Variants in RIPOR2 observed in about 807,000 individuals in gnomAD.
RIPOR2 encodes RHO family interacting cell polarization regulator 2.
RIPOR2 carries 39 observed loss-of-function variants against 114.5 expected under a neutral mutation model. The observed-to-expected ratio is 0.34, with a 90% confidence interval of 0.26 to 0.44. The LOEUF (loss-of-function observed/expected upper bound fraction) is 0.44. Ranked by LOEUF, RIPOR2 falls within the 20% of genes least tolerant of loss-of-function variation. RIPOR2 has a pLI of 1.00. For synonymous variants in RIPOR2, 445 were observed against 484.4 expected, an observed-to-expected ratio of 0.92 and a Z score of 1.07; for missense variants, 1,007 against 1,255.1, an observed-to-expected ratio of 0.80 and a Z score of 2.99.
chr6:25,014,979 AC>A (rs1433613626), intron 1 of RIPOR2: 1 of 149,766 alleles, frequency 6.7e-6, no homozygotes, highest in Non-Finnish European at 1.5e-5. Context: ...AGTCACAGTG[AC>A]CTTTTATTAA....
At chr6:25,041,710 G>T (rs1243767804) in intron 1 of RIPOR2, 1 of 592,774 alleles carries the variant, frequency 1.7e-6, no homozygotes, top group Non-Finnish European at 3.0e-6. Flanking sequence ...AAGTCCATTG[G>T]AAAACGGAGC....
At chr6:25,029,773 G>T (rs1776830673) in intron 1 of RIPOR2, among the ~76,000 whole-genome samples, 1 of 152,150 alleles carries the variant, frequency 6.6e-6, no homozygotes, top group African/African-American at 2.4e-5. Flanking sequence ...GAAGAAAATT[G>T]ATTTTTTTGT....
In RIPOR2 at chr6:24,925,605, G is replaced by C. The variant is rs1278988376; in HGVS notation, c.61+10233C>G. Among the ~76,000 whole-genome samples, 2 of 152,140 alleles carry C rather than the reference G, an allele frequency of 1.3e-5. 1 individual carries two copies. The highest frequency in any genetic ancestry group is 4.8e-5 in the African/African-American group (2 of 41,416). The stretch of plus-strand genomic sequence containing the variant: ...TAATCCCAACTACTCAGGAGGCTGA[G>C]GCAGGAGAATCGCTTGAACCCAGGA... On this transcript the variant is annotated intron_variant, in intron 1 of 21. Transcript: ENST00000643898.
chr6:24,886,445 A>C (rs569859800), intron 1 of RIPOR2, among the ~76,000 whole-genome samples: 1 of 152,266 alleles, frequency 6.6e-6, no homozygotes, highest in East Asian at 1.9e-4. Context: ...TCCTCCCCAC[A>C]TTCCAGGAGC....
intron 8 of RIPOR2, among the ~76,000 whole-genome samples, chr6:24,856,816 T>C (rs1350895666): frequency 6.6e-6 from 1 of 152,194 alleles, no homozygotes; most frequent in Non-Finnish European, 1.5e-5. Flanking sequence ...TTTATGTAAT[T>C]ACAATGGAAG....
At chr6:24,932,910 A>C (rs566177498) in intron 1 of RIPOR2, among the ~76,000 whole-genome samples, 1 of 152,362 alleles carries the variant, frequency 6.6e-6, no homozygotes. Context: ...TTTTACAGGT[A>C]GATACATCAT....
chr6:24,867,108 T>TTTTAATCC (rs1764682195), intron 6 of RIPOR2, among the ~76,000 whole-genome samples: 1 of 152,254 alleles, frequency 6.6e-6, no homozygotes, highest in African/African-American at 2.4e-5. Flanking sequence ...TAAAGGATTC[T>TTTTAATCC]TTGTTGCTAT....
chr6:24,869,741 A>T (rs1485165156), intron 5 of RIPOR2, among the ~76,000 whole-genome samples: 1 of 152,260 alleles, frequency 6.6e-6, no homozygotes, highest in Non-Finnish European at 1.5e-5. Context: ...ATTCTGACAG[A>T]ACAGTATCAT....
chr6:24,855,898 G>A (rs1320474519), intron 8 of RIPOR2, among the ~76,000 whole-genome samples: 3 of 152,138 alleles, frequency 2.0e-5, no homozygotes, highest in Non-Finnish European at 2.9e-5. Context: ...GCCAGTCATG[G>A]TGGCGTGCGC....
At chr6:25,038,131 T>C (rs1281110265) in intron 1 of RIPOR2, among the ~76,000 whole-genome samples, 1 of 152,246 alleles carries the variant, frequency 6.6e-6, no homozygotes, top group Non-Finnish European at 1.5e-5. Flanking sequence ...CTTTACTGAA[T>C]GTTTGAAAAT....
chr6:24,954,329 G>C (rs1437904518), intron 1 of RIPOR2, among the ~76,000 whole-genome samples: 1 of 152,174 alleles, frequency 6.6e-6, no homozygotes, highest in Non-Finnish European at 1.5e-5. Flanking sequence ...GACTTTAGAA[G>C]GGAGAACTCC....
intron 1 of RIPOR2, among the ~76,000 whole-genome samples, chr6:24,969,878 G>A (rs922060629): frequency 9.9e-5 from 15 of 152,108 alleles, no homozygotes; most frequent in African/African-American, 3.1e-4. Flanking sequence ...ACCAGATGCC[G>A]CCTCCTAAAG....
intron 1 of RIPOR2, chr6:25,015,119 T>C (rs1775912150): frequency 6.6e-6 from 1 of 152,174 alleles, no homozygotes; most frequent in Non-Finnish European, 1.5e-5. Flanking sequence ...AGTACTGAAA[T>C]GATAGACTAG....
intron 1 of RIPOR2, among the ~76,000 whole-genome samples, chr6:25,018,574 A>G (rs558905792): frequency 1.7e-4 from 26 of 152,220 alleles, no homozygotes; most frequent in Non-Finnish European, 3.5e-4. Flanking sequence ...AAAAAAATTT[A>G]TCACTTGCCC....
rs1215714213 is a variant in RIPOR2 at position 24,882,791 on chromosome 6, C to T, written c.62-6974G>A. 3.3e-5 allele frequency among the ~76,000 whole-genome samples: 5 copies of T among 152,020 alleles called. No individual in the cohort carries two copies. The East Asian group carries it at 5.8e-4, about 18-fold the overall frequency. Reference sequence around the variant, plus strand: ...TCGGATTCTTTTTTTAAAGCTATGCCGAGGGGGCTATCAATTAGCTTTTTA... The same window carrying T: ...TCGGATTCTTTTTTTAAAGCTATGCTGAGGGGGCTATCAATTAGCTTTTTA... On this transcript the variant is annotated intron_variant, in intron 1 of 21. Coordinates refer to ENST00000643898, the MANE Select transcript of RIPOR2 (RefSeq NM_001286445.3).
chr6:24,922,219 T>C (rs1469390643), intron 1 of RIPOR2, among the ~76,000 whole-genome samples: 1 of 152,202 alleles, frequency 6.6e-6, no homozygotes, highest in African/African-American at 2.4e-5. Flanking sequence ...ATCTTCTAAT[T>C]ATGCTATTCA....
chr6:25,024,091 G>A, intron 1 of RIPOR2: 1 of 781,672 alleles, frequency 1.3e-6, no homozygotes, highest in Admixed American at 1.7e-5. Flanking sequence ...GGGGACCAGC[G>A]AGTACCAGGT....
chr6:25,023,246 G>T (rs9348656), intron 1 of RIPOR2: 137,143 of 702,302 alleles, frequency 0.2, 18,165 homozygotes, highest in East Asian at 0.6. Context: ...TTGTACAGGG[G>T]TCTATTTGGC....
At chr6:25,020,933 G>C (rs918492694) in intron 1 of RIPOR2, among the ~76,000 whole-genome samples, 94 of 151,868 alleles carry the variant, frequency 6.2e-4, no homozygotes, top group African/African-American at 2.2e-3. Context: ...CTTGGCCCAC[G>C]GCAACCTCCG....
Sources: allele counts gnomAD v4.1 joint callset (sites outside exome capture counted in the v4.1 genomes callset), GRCh38; gene constraint gnomAD v4.1.1; transcripts MANE v1.5; gene names NCBI Gene and HGNC (gene_info 2026-07-23, HGNC 2026-07-21).